THSD4: variants seen among roughly 807,000 people sequenced by gnomAD.
THSD4 encodes thrombospondin type-1 domain-containing protein 4.
In THSD4, 69 loss-of-function variants were observed where a neutral mutation model predicts 119.0. That is an observed-to-expected ratio of 0.58 (90% CI 0.48 to 0.71). The LOEUF (loss-of-function observed/expected upper bound fraction) is 0.71, where lower values mean the gene tolerates loss of function less well. THSD4 is among the 30% of genes least tolerant of loss of function. The pLI is 0.00. For missense variants in THSD4, 1,393 were observed against 1,391.1 expected, an observed-to-expected ratio of 1.00 and a Z score of -0.02; for synonymous variants, 524 against 540.4, an observed-to-expected ratio of 0.97 and a Z score of 0.42.
chr15:71,284,180 T>C (rs1190458760), intron 6 of THSD4, among the ~76,000 whole-genome samples: 1 of 152,204 alleles, frequency 6.6e-6, no homozygotes, highest in Non-Finnish European at 1.5e-5. Context: ...GGGATTTTCA[T>C]TGTGCACAGT....
rs1363061021 is a variant in THSD4, at chr15:71,593,241, G to A, written c.1153-67289G>A. ...AGATCGAGACCATCCCGGCTAAAAC[G>A]GTGAAACCCCGTCTCTACTAAAAAT... is the stretch of plus-strand genomic sequence containing the variant. On this transcript the variant is annotated intron_variant, in intron 7 of 17. Coordinates refer to ENST00000261862, the MANE Select transcript of THSD4 (RefSeq NM_024817.3). Among the ~76,000 whole-genome samples the A allele has an allele frequency of 3.1e-4, 3 of 9,706 alleles. 1 individual carries two copies. The highest frequency in any genetic ancestry group is 4.7e-4 in the African/African-American group (3 of 6,438). The allele number at this position is 9,706 out of a possible 152,430, so 6.4% of individuals were successfully genotyped here.
chr15:71,609,178 C>A (rs760115742), intron 7 of THSD4, among the ~76,000 whole-genome samples: 60 of 151,806 alleles, frequency 4.0e-4, no homozygotes, highest in Non-Finnish European at 7.7e-4. Context: ...AATGTGAAGA[C>A]AGGGGAAAAA....
intron 7 of THSD4, among the ~76,000 whole-genome samples, chr15:71,563,193 C>A (rs1197883392): frequency 6.6e-6 from 1 of 152,130 alleles, no homozygotes; most frequent in African/African-American, 2.4e-5. Context: ...GTTTAGTGAA[C>A]CTTTACATCA....
intron 6 of THSD4, among the ~76,000 whole-genome samples, chr15:71,294,633 A>G (rs748648445): frequency 1.3e-5 from 2 of 152,132 alleles, no homozygotes; most frequent in Non-Finnish European, 2.9e-5. Flanking sequence ...CACAATGTCT[A>G]TATTCACTGC....
At chr15:71,747,217 G>C (rs951152203) in intron 13 of THSD4, among the ~76,000 whole-genome samples, 175 bp downstream of exon 13, 2 of 152,132 alleles carry the variant, frequency 1.3e-5, no homozygotes, top group African/African-American at 2.4e-5. Flanking sequence ...TAGTTCAATA[G>C]AGTTCAGGGT....
At chr15:71,218,679 C>T (rs2043953861) in intron 4 of THSD4, among the ~76,000 whole-genome samples, 1 of 152,192 alleles carries the variant, frequency 6.6e-6, no homozygotes, top group Admixed American at 6.5e-5. Context: ...TTATATTCAT[C>T]AGTCATTAGG....
rs1197366025 is a variant in THSD4 at position 71,771,216 on chromosome 15, G to A, written c.2914+8G>A. 4 of 1,612,584 alleles carry A rather than the reference G, an allele frequency of 2.5e-6. No homozygotes were observed. In the African/African-American group the frequency reaches 5.3e-5, roughly 22 times the overall value. ...ACTGTGTCCCTGAAGTTGGTAAGTAGAGATTTCAATCATGGGGGAAAGGTT... is the reference window on the plus strand; with the variant it reads ...ACTGTGTCCCTGAAGTTGGTAAGTAAAGATTTCAATCATGGGGGAAAGGTT... On this transcript the variant is annotated splice_region_variant and intron_variant, in intron 17 of 17. Coordinates refer to ENST00000261862, the MANE Select transcript of THSD4 (RefSeq NM_024817.3).
intron 7 of THSD4, among the ~76,000 whole-genome samples, chr15:71,654,858 C>G (rs987093855): frequency 1.3e-5 from 2 of 152,170 alleles, no homozygotes; most frequent in Non-Finnish European, 2.9e-5. Flanking sequence ...ACTGAGCACA[C>G]ACAGACACAT....
chr15:71,482,740 C>T (rs1190356731), intron 7 of THSD4, among the ~76,000 whole-genome samples: 1 of 152,074 alleles, frequency 6.6e-6, no homozygotes, highest in Non-Finnish European at 1.5e-5. Context: ...TGGCCGCCTC[C>T]ACACACGGCT....
chr15:71,546,630 A>T (rs932781627), intron 7 of THSD4, among the ~76,000 whole-genome samples: 7 of 152,106 alleles, frequency 4.6e-5, no homozygotes, highest in Non-Finnish European at 1.0e-4. Flanking sequence ...TAATTCCTCA[A>T]GCTCTTGGTT....
chr15:71,370,703 A>T (rs1388600835), intron 6 of THSD4, among the ~76,000 whole-genome samples: 1 of 152,200 alleles, frequency 6.6e-6, no homozygotes, highest in East Asian at 1.9e-4. Flanking sequence ...TACTTCAACT[A>T]TGTGGTCAAT....
intron 6 of THSD4, among the ~76,000 whole-genome samples, chr15:71,273,245 A>G (rs2044553811): frequency 6.6e-6 from 1 of 152,262 alleles, no homozygotes; most frequent in African/African-American, 2.4e-5. Flanking sequence ...TTGTGACAAC[A>G]TGGGTAAACC....
At chr15:71,742,507 C>G (rs1009718828) in intron 11 of THSD4, among the ~76,000 whole-genome samples, 2 of 152,216 alleles carry the variant, frequency 1.3e-5, no homozygotes, top group Admixed American at 6.5e-5. Context: ...ACAGTTCCCC[C>G]CTTCAACATG....
chr15:71,237,048 A>C (rs557386141), intron 4 of THSD4, among the ~76,000 whole-genome samples: 4 of 152,280 alleles, frequency 2.6e-5, no homozygotes, highest in Admixed American at 6.5e-5. Flanking sequence ...TGGCCTACTG[A>C]GGAGGTACAA....
At chr15:71,625,278 G>T (rs2050488235) in intron 7 of THSD4, among the ~76,000 whole-genome samples, 1 of 152,102 alleles carries the variant, frequency 6.6e-6, no homozygotes, top group African/African-American at 2.4e-5. Context: ...AAAGTGCTGG[G>T]ATTACAGGTG....
chr15:71,424,082 G>C (rs565935355), intron 7 of THSD4, among the ~76,000 whole-genome samples: 2 of 152,330 alleles, frequency 1.3e-5, no homozygotes, highest in South Asian at 4.1e-4. Flanking sequence ...ATTCAAGACT[G>C]TCTTTCCTAC....
chr15:71,173,966 C>G (rs934823696), intron 3 of THSD4, among the ~76,000 whole-genome samples: 1 of 151,978 alleles, frequency 6.6e-6, no homozygotes, highest in Non-Finnish European at 1.5e-5. Context: ...AATGTAAAAC[C>G]TGGAACTATA....
Position 71,377,867 on chromosome 15 carries a change from A to AACACAC in THSD4, c.1016-33778_1016-33773dup, listed in dbSNP as rs376497737. Among the ~76,000 whole-genome samples, 95 of 86,342 alleles carry AACACAC rather than the reference A, an allele frequency of 1.1e-3. 2 individuals carry two copies. Among genetic ancestry groups the AACACAC allele is most frequent in the African/African-American group, 3.1e-3 (71 of 23,176 alleles). The allele number at this position is 86,342 out of a possible 152,430, so 56.6% of individuals were successfully genotyped here. On this transcript the variant is annotated intron_variant, in intron 6 of 17. Coordinates refer to ENST00000261862, the MANE Select transcript of THSD4 (RefSeq NM_024817.3). ...CTTCTCTATTCCCGGACATATCCAC[A>AACACAC]ACACACACACACACACACACACACA...
rs766869437 is a variant in THSD4, at chr15:71,215,221, C to A, written c.286C>A (p.Pro96Thr). 1 of 1,391,084 alleles carries A rather than the reference C, an allele frequency of 7.2e-7. No homozygotes were observed. The highest frequency in any genetic ancestry group is 9.3e-7 in the Non-Finnish European group (1 of 1,078,064). 86.2% of individuals were successfully genotyped at this position (1,391,084 alleles called of 1,614,324 possible). ...GCGCGGCGGCCAGCGGCCTGGCGCC[C>A]CTGCGCGCGCCTTCGCGGACCACGT... ...RLRGGQRPGA[P>T]ARAFADHVVS... Residue 96 changes from proline (P) to threonine (T), a missense_variant, in exon 4 of 18, where the codon CCT becomes ACT. By Grantham distance (38) the Pro-to-Thr change is conservative (BLOSUM62 -1). Coordinates refer to ENST00000261862, the MANE Select transcript of THSD4 (RefSeq NM_024817.3).
Sources: allele counts gnomAD v4.1 joint callset (sites outside exome capture counted in the v4.1 genomes callset), GRCh38; gene constraint gnomAD v4.1.1; transcripts MANE v1.5; gene names NCBI Gene and HGNC (gene_info 2026-07-23, HGNC 2026-07-21).